FBRSL1: variants seen among roughly 807,000 people sequenced by gnomAD.
FBRSL1 encodes fibrosin-1-like protein.
A neutral mutation model predicts 89.6 loss-of-function variants in FBRSL1; 51 were observed. That is an observed-to-expected ratio of 0.57 (90% CI 0.45 to 0.72). The LOEUF (loss-of-function observed/expected upper bound fraction) is 0.72, where lower values mean the gene tolerates loss of function less well. Among genes scored for constraint, FBRSL1 ranks in the 30% least tolerant of loss-of-function variants. The pLI, the probability that FBRSL1 is intolerant of heterozygous loss-of-function variation, is 0.00. For synonymous variants in FBRSL1, 779 were observed against 681.1 expected (o/e 1.14, Z -2.24); for missense variants, 1,618 against 1,451.8 (o/e 1.11, Z -1.86).
At chr12:132,571,825 G>A (rs1464161793) in intron 9 of FBRSL1, 1 of 326,646 alleles carries the variant, frequency 3.1e-6, no homozygotes, top group Admixed American at 4.8e-5. Context: ...GGCCCAGACA[G>A]GCCTGAGGGC....
Position 132,547,357 on chromosome 12 carries a change from G to A in FBRSL1, c.616-646G>A, listed in dbSNP as rs551132378. Reference sequence around the variant, plus strand: ...GCTCTGCCTACTGAAAACGGAGAACGGATTTGTTTTCGGGATTATCACACC... The same window carrying A: ...GCTCTGCCTACTGAAAACGGAGAACAGATTTGTTTTCGGGATTATCACACC... On this transcript the variant is annotated intron_variant, in intron 4 of 18. Coordinates refer to ENST00000680143, the MANE Select transcript of FBRSL1 (RefSeq NM_001367871.1). 3.9e-5 allele frequency among the ~76,000 whole-genome samples: 6 copies of A among 152,274 alleles called. No homozygotes were observed. The East Asian group carries it at 7.7e-4, about 20-fold the overall frequency.
chr12:132,549,012 G>A (rs921612850), intron 5 of FBRSL1, among the ~76,000 whole-genome samples: 1 of 152,224 alleles, frequency 6.6e-6, no homozygotes, highest in African/African-American at 2.4e-5. Flanking sequence ...GGCAGGAGCT[G>A]TCTGGGCTGT....
chr12:132,511,596 G>A (rs1262559865), intron 2 of FBRSL1: 94 of 985,626 alleles, frequency 9.5e-5, no homozygotes, highest in South Asian at 4.7e-4. Flanking sequence ...AGAGAGCAGC[G>A]TTGACCACCT....
chr12:132,538,703 G>A (rs562089643), intron 4 of FBRSL1, among the ~76,000 whole-genome samples: 1 of 152,346 alleles, frequency 6.6e-6, no homozygotes, highest in Admixed American at 6.5e-5. Flanking sequence ...GGAGGCTGTG[G>A]CTGTTGGCTG....
chr12:132,511,027 G>T, intron 2 of FBRSL1: 1 of 986,600 alleles, frequency 1.0e-6, no homozygotes, highest in Non-Finnish European at 1.2e-6. Flanking sequence ...TGCAGTTCCT[G>T]CAGAGTGGCC....
chr12:132,542,726 C>G (rs936946365), intron 4 of FBRSL1, among the ~76,000 whole-genome samples: 1 of 152,246 alleles, frequency 6.6e-6, no homozygotes, highest in Non-Finnish European at 1.5e-5. Context: ...CCCACCCTGC[C>G]TGGTCGGGGC....
chr12:132,494,145 C>G (rs1443977417), intron 1 of FBRSL1, among the ~76,000 whole-genome samples: 2 of 152,180 alleles, frequency 1.3e-5, no homozygotes, highest in Non-Finnish European at 2.9e-5. Context: ...CTCTCCCCTG[C>G]TCTTGTTCTG....
chr12:132,525,843 C>T lies in FBRSL1; in HGVS notation c.579+20C>T, dbSNP rs577878068. 1.7e-4 allele frequency: 257 copies of T among 1,534,240 alleles called. 2 individuals are homozygous for T. The East Asian group carries it at 4.9e-3, about 29-fold the overall frequency. On this transcript the variant is annotated intron_variant, in intron 3 of 18. Coordinates refer to ENST00000680143, the MANE Select transcript of FBRSL1 (RefSeq NM_001367871.1). ...AGCGATGTGAGTACCCAGCTGCCCG[C>T]GCCCGGAGGCTCCGAGTCTGGGCCG...
chr12:132,492,766 C>T (rs145143503), intron 1 of FBRSL1, among the ~76,000 whole-genome samples: 51 of 152,340 alleles, frequency 3.3e-4, no homozygotes, highest in African/African-American at 1.2e-3. Context: ...TTAACACAGC[C>T]ACAGCACCCC....
chr12:132,510,502 C>A, intron 2 of FBRSL1: 3 of 1,231,998 alleles, frequency 2.4e-6, no homozygotes, highest in Non-Finnish European at 3.0e-6. Flanking sequence ...GTGATCTGCA[C>A]CCTGGCAGGG....
In FBRSL1 at chr12:132,564,836, G is replaced by A. The variant is rs141558868; in HGVS notation, c.646-2645G>A. Among the ~76,000 whole-genome samples the A allele has an allele frequency of 4.0e-3, 596 of 147,564 alleles. 14 individuals carry two copies. Among genetic ancestry groups the A allele is most frequent in the African/African-American group, 9.2e-3 (362 of 39,524 alleles). On this transcript the variant is annotated intron_variant, in intron 5 of 18. Coordinates refer to ENST00000680143, the MANE Select transcript of FBRSL1 (RefSeq NM_001367871.1). ...AGTAGAGACGGGGTTTCACCGTGTT[G>A]GCCAGGATGGTCTCGATCTGCTGAC...
intron 3 of FBRSL1, among the ~76,000 whole-genome samples, chr12:132,526,830 A>T (rs1440589411): frequency 1.3e-5 from 2 of 151,874 alleles, no homozygotes. Flanking sequence ...CACCCCATCC[A>T]CTACAGCAGC....
At chr12:132,544,758 GA>G (rs1216433798) in intron 4 of FBRSL1, among the ~76,000 whole-genome samples, 6 of 152,074 alleles carry the variant, frequency 3.9e-5, no homozygotes, top group African/African-American at 1.4e-4. Flanking sequence ...TGGTGATAGT[GA>G]TTATGGCGGT....
intron 2 of FBRSL1, among the ~76,000 whole-genome samples, chr12:132,513,660 C>T (rs151283956): frequency 1.3e-5 from 2 of 152,056 alleles, no homozygotes; most frequent in East Asian, 3.9e-4. Context: ...TGGGAGAGGC[C>T]GAGGCGTGTT....
intron 1 of FBRSL1, among the ~76,000 whole-genome samples, chr12:132,495,403 G>T (rs2031847735): frequency 6.6e-6 from 1 of 152,242 alleles, no homozygotes; most frequent in South Asian, 2.1e-4. Flanking sequence ...TGGTGCCAGT[G>T]GGGGCTGAGT....
At chr12:132,544,214 A>G (rs1030196865) in intron 4 of FBRSL1, among the ~76,000 whole-genome samples, 1 of 152,162 alleles carries the variant, frequency 6.6e-6, no homozygotes, top group African/African-American at 2.4e-5. Flanking sequence ...GGTGGAGACA[A>G]CAAGTACTGA....
intron 4 of FBRSL1, among the ~76,000 whole-genome samples, chr12:132,530,924 C>G (rs2036212933): frequency 6.7e-6 from 1 of 149,074 alleles, no homozygotes; most frequent in Non-Finnish European, 1.5e-5. Context: ...AGGTGTGCAC[C>G]CGGGGCCTTG....
At chr12:132,514,255 A>G (rs1052108855) in intron 2 of FBRSL1, among the ~76,000 whole-genome samples, 58 of 152,202 alleles carry the variant, frequency 3.8e-4, no homozygotes, top group African/African-American at 1.1e-3. Context: ...TTCAGAGGCC[A>G]GAAGGCAGGA....
intron 2 of FBRSL1, among the ~76,000 whole-genome samples, chr12:132,521,357 G>A (rs750938967): frequency 6.6e-6 from 1 of 152,192 alleles, no homozygotes; most frequent in African/African-American, 2.4e-5. Context: ...CAGGGGCGTC[G>A]CGTTCCCGTC....
Sources: gnomAD v4.1 joint callset for allele counts (sites outside exome capture counted in the v4.1 genomes callset) on GRCh38, gnomAD v4.1.1 for gene constraint, MANE v1.5 for transcripts, NCBI Gene and HGNC (gene_info 2026-07-23, HGNC 2026-07-21) for gene names.